The following SYTL3 variants were observed in gnomAD, a reference collection of about 807,000 sequenced individuals.
SYTL3 encodes the protein synaptotagmin like 3.
Under a neutral mutation model 82.1 loss-of-function variants are expected in SYTL3, and 88 were observed. The ratio of observed to expected loss-of-function variants is 1.07; its 90% CI spans 0.90 to 1.28. SYTL3 has a LOEUF of 1.28. SYTL3 is among the 50% of genes most tolerant of loss of function. The pLI is 0.00. For synonymous variants in SYTL3, 311 were observed against 289.4 expected, an observed-to-expected ratio of 1.07 and a Z score of -0.76; for missense variants, 831 against 757.6, an observed-to-expected ratio of 1.10 and a Z score of -1.14.
At chr6:158,738,899 C>A (rs1786550405) in intron 11 of SYTL3, among the ~76,000 whole-genome samples, 2 of 152,228 alleles carry the variant, frequency 1.3e-5, no homozygotes, top group African/African-American at 4.8e-5. Context: ...CTCTAGCGAT[C>A]CACCTGCCTT....
At chr6:158,760,576 A>G in intron 14 of SYTL3, 64 bp from the exon 15 acceptor site, 1 of 1,412,874 alleles carries the variant, frequency 7.1e-7, no homozygotes. Flanking sequence ...AGACAACCAG[A>G]GGAACCCAGA....
intron 12 of SYTL3, among the ~76,000 whole-genome samples, chr6:158,748,565 C>G (rs923806041): frequency 6.6e-6 from 1 of 152,130 alleles, no homozygotes; most frequent in African/African-American, 2.4e-5. Context: ...TAGAAAAAGG[C>G]TGGGTGCTGT....
chr6:158,725,441 A>G, intron 10 of SYTL3, 62 bp from the exon 11 acceptor site: 1 of 1,586,688 alleles, frequency 6.3e-7, no homozygotes, highest in Non-Finnish European at 8.6e-7. Context: ...AAGTCACCAC[A>G]TTTGAACAAA....
intron 13 of SYTL3, among the ~76,000 whole-genome samples, chr6:158,755,208 C>T (rs1047150844): frequency 9.9e-5 from 15 of 152,046 alleles, no homozygotes; most frequent in African/African-American, 2.2e-4. Context: ...CCGGGCATGG[C>T]GACGCCTACC....
At chr6:158,692,253 G>A (rs1477828762) in intron 6 of SYTL3, among the ~76,000 whole-genome samples, 2 of 40,904 alleles carry the variant, frequency 4.9e-5, no homozygotes, top group African/African-American at 1.7e-4. Context: ...GCGAGACTCC[G>A]TCTCAAAAAA....
At chr6:158,653,256 C>G (rs1788257583) in intron 2 of SYTL3, among the ~76,000 whole-genome samples, 1 of 152,032 alleles carries the variant, frequency 6.6e-6, no homozygotes, top group Non-Finnish European at 1.5e-5. Flanking sequence ...CCTGTAATCC[C>G]AGCACTTTGG....
chr6:158,761,301 CTTTTTTTT>C (rs11463987), intron 15 of SYTL3, among the ~76,000 whole-genome samples: 1 of 93,888 alleles, frequency 1.1e-5, no homozygotes, highest in Non-Finnish European at 2.1e-5. Context: ...ATGCACATTT[CTTTTTTTT>C]TTTTTTTTTT....
intron 6 of SYTL3, among the ~76,000 whole-genome samples, chr6:158,698,396 CAA>C (rs561053825): frequency 8.9e-4 from 101 of 113,266 alleles, no homozygotes; most frequent in African/African-American, 2.4e-3. Context: ...GACTCTGTCT[CAA>C]AAAAAAAAAA....
At chr6:158,694,217 C>T (rs923804012) in intron 6 of SYTL3, among the ~76,000 whole-genome samples, 3 of 152,068 alleles carry the variant, frequency 2.0e-5, no homozygotes, top group Non-Finnish European at 4.4e-5. Context: ...TGTAATAAGA[C>T]CTTGCCCTTC....
intron 10 of SYTL3, among the ~76,000 whole-genome samples, chr6:158,724,954 G>T (rs80119046): frequency 0.021 from 3,252 of 152,298 alleles, 111 homozygotes; most frequent in African/African-American, 0.074. Flanking sequence ...GATGGAGGCT[G>T]CAGTGAGCCA....
At chr6:158,731,239 A>C (rs56345809) in intron 11 of SYTL3, among the ~76,000 whole-genome samples, 23,973 of 151,116 alleles carry the variant, frequency 0.16, 2,388 homozygotes, top group Non-Finnish European at 0.22. Flanking sequence ...AGCCGAGATC[A>C]CACTATTGTA....
intron 6 of SYTL3, among the ~76,000 whole-genome samples, chr6:158,698,511 C>T (rs957561251): frequency 1.3e-5 from 2 of 151,722 alleles, no homozygotes; most frequent in African/African-American, 4.8e-5. Flanking sequence ...AGAGATTTTC[C>T]ATTTTGAATA....
rs148863238 is a variant in SYTL3, at chr6:158,731,233, G to A, written c.855+5596G>A. Reference sequence around the variant, plus strand: ...CGGGAGGCGGAGGTTGCAGTGAGCCGAGATCACACTATTGTACTCCAGCCT... The same window carrying A: ...CGGGAGGCGGAGGTTGCAGTGAGCCAAGATCACACTATTGTACTCCAGCCT... On this transcript the variant is annotated intron_variant, in intron 11 of 17. Coordinates refer to ENST00000611299, the MANE Select transcript of SYTL3 (RefSeq NM_001242394.2). 9.7e-3 allele frequency among the ~76,000 whole-genome samples: 1,464 copies of A among 150,980 alleles called. 28 individuals are homozygous for A. The highest frequency in any genetic ancestry group is 0.033 in the African/African-American group (1,352 of 41,032).
chr6:158,711,600 G>C (rs569378915), intron 8 of SYTL3, among the ~76,000 whole-genome samples: 1 of 152,152 alleles, frequency 6.6e-6, no homozygotes, highest in Non-Finnish European at 1.5e-5. Context: ...AATGCAGGGC[G>C]AGTCCACAGA....
At chr6:158,705,227 G>A (rs1781898400) in intron 6 of SYTL3, among the ~76,000 whole-genome samples, 1 of 14,152 alleles carries the variant, frequency 7.1e-5, no homozygotes, top group African/African-American at 3.0e-4. Context: ...GGGACAGGGT[G>A]ACAGTGAGGG....
At chr6:158,649,486 T>A (rs1042673022), upstream of SYTL3, among the ~76,000 whole-genome samples, 2 of 152,206 alleles carry the variant, frequency 1.3e-5, no homozygotes, top group African/African-American at 4.8e-5. Context: ...CACTTCATTG[T>A]CTTATTGCTC....
rs759332655 is a variant in SYTL3 at position 158,760,692 on chromosome 6, G to A, written c.1361G>A (p.Arg454Gln). Reference sequence around the variant, plus strand: ...CAGAGTAATGGAGAGCTCACAGTCCGGGCTAAGCTGGTTCTCCCTTCACGG... The same window carrying A: ...CAGAGTAATGGAGAGCTCACAGTCCAGGCTAAGCTGGTTCTCCCTTCACGG... ...VPQSNGELTV[R>Q]AKLVLPSRPR... Residue 454 changes from arginine (R) to glutamine (Q), a missense_variant, in exon 15 of 18, where the codon CGG becomes CAG. Physicochemically the swap from Arg to Gln is conservative, Grantham distance 43 (BLOSUM62 1). Transcript: ENST00000611299. 196 of 1,614,084 alleles carry A rather than the reference G, an allele frequency of 1.2e-4. No homozygotes were observed. The highest frequency in any genetic ancestry group is 8.3e-4 in the Middle Eastern group (5 of 6,058).
chr6:158,665,566 C>G lies in SYTL3; in HGVS notation c.282C>G (p.Phe94Leu). The G allele has an allele frequency of 6.3e-7, 1 of 1,580,810 alleles. No individual in the cohort carries two copies. Among genetic ancestry groups the G allele is most frequent in the Non-Finnish European group, 8.6e-7 (1 of 1,164,048 alleles). Residue 94 changes from phenylalanine (F) to leucine (L), a missense_variant, in exon 5 of 18, where the codon TTC becomes TTG. Transcript: ENST00000611299. ...GCGTGTGTGCCCAGTGCCGAGTGTT[C>G]CTGAGGGGGACCCATGCCTGGAAGT... ...SHRVCAQCRV[F>L]LRGTHAWKCT...
intron 8 of SYTL3, among the ~76,000 whole-genome samples, chr6:158,711,870 T>C (rs1244131208): frequency 3.3e-5 from 5 of 152,192 alleles, no homozygotes; most frequent in Non-Finnish European, 5.9e-5. Flanking sequence ...CTTGTTGCCA[T>C]CTTGGTTTTG....
Sources: allele counts gnomAD v4.1 joint callset (sites outside exome capture counted in the v4.1 genomes callset), GRCh38; gene constraint gnomAD v4.1.1; transcripts MANE v1.5; gene names NCBI Gene and HGNC (gene_info 2026-07-23, HGNC 2026-07-21).